UBXN8: variants seen among roughly 807,000 people sequenced by gnomAD.
UBXN8 encodes the protein UBX domain-containing protein 8.
In UBXN8, 27 loss-of-function variants were observed where a neutral mutation model predicts 32.1. The ratio of observed to expected loss-of-function variants is 0.84; its 90% CI spans 0.62 to 1.16. The LOEUF (loss-of-function observed/expected upper bound fraction) is 1.16. Ranked by LOEUF, UBXN8 falls within the 50% of genes most tolerant of loss-of-function variation. The probability of loss-of-function intolerance (pLI) is 0.00; values close to 1 mark genes in which losing one functional copy is unlikely to be tolerated. For missense variants in UBXN8, 306 were observed against 311.4 expected (o/e 0.98, Z 0.13); for synonymous variants, 109 against 111.8 (o/e 0.98, Z 0.16).
chr8:30,766,578 C>A lies in UBXN8; in HGVS notation c.*184C>A. 2.0e-6 allele frequency: 1 copy of A among 494,962 alleles called. No individual in the cohort carries two copies. Among genetic ancestry groups the A allele is most frequent in the Non-Finnish European group, 3.2e-6 (1 of 311,634 alleles). The allele number at this position is 494,962 out of a possible 1,614,324, so 30.7% of individuals were successfully genotyped here. A position where few individuals can be genotyped will look rare whatever the true frequency, so the allele number is the denominator to read the frequency against. ...CTTTCTATATATAATAATCTGTGGA[C>A]TGTGCCATTTTACAGTGTACCAAAT... On this transcript the variant is annotated 3_prime_UTR_variant, in exon 8 of 8. Coordinates refer to ENST00000265616, the MANE Select transcript of UBXN8 (RefSeq NM_005671.4).
chr8:30,766,350 G>T lies in UBXN8; in HGVS notation c.769G>T (p.Val257Leu). Residue 257 changes from valine (V) to leucine (L), a missense_variant, in exon 8 of 8, where the codon GTG becomes TTG. Transcript: ENST00000265616. ...GQSLEDIGITVDTVLILEEKE... is the reference protein window; with the variant it reads ...GQSLEDIGITLDTVLILEEKE... ...GTCGCTGGAGGACATAGGAATAACT[G>T]TGGACACTGTACTCATCCTGGAGGA... The T allele has an allele frequency of 6.2e-7, 1 of 1,613,282 alleles. No homozygotes were observed. The highest frequency in any genetic ancestry group is 8.5e-7 in the Non-Finnish European group (1 of 1,179,536).
chr8:30,758,365 G>A (rs374488897), intron 5 of UBXN8, among the ~76,000 whole-genome samples: 1 of 152,050 alleles, frequency 6.6e-6, no homozygotes, highest in East Asian at 1.9e-4. Flanking sequence ...GCCCTTCTAG[G>A]GAATAGATTA....
At chr8:30,756,737 T>G in intron 4 of UBXN8, 28 bp from the exon 5 acceptor site, 1 of 1,613,094 alleles carries the variant, frequency 6.2e-7, no homozygotes, top group Non-Finnish European at 8.5e-7. Flanking sequence ...AAACATCTCT[T>G]TAGAAATTGT....
At chr8:30,745,708 T>C (rs1805342917) in intron 1 of UBXN8, among the ~76,000 whole-genome samples, 1 of 152,244 alleles carries the variant, frequency 6.6e-6, no homozygotes. Context: ...ATTTCCGCAA[T>C]TCACCTGTTC....
intron 2 of UBXN8, 142 bp from the exon 3 acceptor site, chr8:30,752,893 C>T (rs1375755397): frequency 7.2e-6 from 7 of 972,076 alleles, no homozygotes; most frequent in Admixed American, 4.0e-5. Flanking sequence ...TCAACCCAAA[C>T]ATAAATGACA....
chr8:30,744,351 T>A, intron 1 of UBXN8, 74 bp downstream of exon 1: 1 of 1,451,596 alleles, frequency 6.9e-7, no homozygotes, highest in Admixed American at 1.9e-5. Flanking sequence ...AACGACCGCC[T>A]CTTCGGCTGC....
intron 3 of UBXN8, 134 bp downstream of exon 3, chr8:30,753,239 C>T (rs1805562108): frequency 8.1e-7 from 1 of 1,231,550 alleles, no homozygotes; most frequent in Non-Finnish European, 1.0e-6. Context: ...ATTCACGTGA[C>T]ATAAATTGAC....
rs1445299808 is a variant in UBXN8 at position 30,758,888 on chromosome 8, T to G, written c.529-2000T>G. Among the ~76,000 whole-genome samples the G allele has an allele frequency of 1.5e-4, 20 of 129,774 alleles. No homozygotes were observed. In the South Asian group the frequency reaches 2.6e-3, roughly 17 times the overall value. The allele number at this position is 129,774 out of a possible 152,430, so 85.1% of individuals were successfully genotyped here. ...GTAACAAATGTTTTTTTTGTTTGTTTTTTTTGTTTTTTTTTTTTTTTTTGA... is the reference window on the plus strand; with the variant it reads ...GTAACAAATGTTTTTTTTGTTTGTTGTTTTTGTTTTTTTTTTTTTTTTTGA... On this transcript the variant is annotated intron_variant, in intron 5 of 7. Coordinates refer to ENST00000265616, the MANE Select transcript of UBXN8 (RefSeq NM_005671.4).
chr8:30,763,620 T>C (rs1010697396), intron 7 of UBXN8, among the ~76,000 whole-genome samples: 10 of 152,260 alleles, frequency 6.6e-5, no homozygotes, highest in Non-Finnish European at 1.2e-4. Flanking sequence ...TACATTATCA[T>C]AATTTGATGG....
upstream of UBXN8, among the ~76,000 whole-genome samples, chr8:30,740,674 A>G (rs1454024526): frequency 6.6e-6 from 1 of 151,776 alleles, no homozygotes; most frequent in Non-Finnish European, 1.5e-5. Context: ...GCAGTGAGCT[A>G]TGCTTGTGCC....
At chr8:30,744,913 A>T (rs1805324669) in intron 1 of UBXN8, among the ~76,000 whole-genome samples, 1 of 152,182 alleles carries the variant, frequency 6.6e-6, no homozygotes, top group Non-Finnish European at 1.5e-5. Context: ...GCTCAGGATA[A>T]TGACGTTTAT....
intron 1 of UBXN8, 48 bp downstream of exon 1, chr8:30,744,325 C>T: frequency 6.4e-7 from 1 of 1,571,132 alleles, no homozygotes; most frequent in African/African-American, 1.3e-5. Flanking sequence ...GTAATTTTCA[C>T]AGGAATGTTG....
Position 30,764,060 on chromosome 8 carries a change from C to T in UBXN8, c.645+713C>T, listed in dbSNP as rs551951090. Among the ~76,000 whole-genome samples, 226 of 152,058 alleles carry T rather than the reference C, an allele frequency of 1.5e-3. 1 individual carries two copies. Among genetic ancestry groups the T allele is most frequent in the African/African-American group, 4.7e-3 (195 of 41,476 alleles). ...ATTTGGAAAACATGGAAAAGTAGAG[C>T]GAGAAAAAAATTTGATCTGTAGTCT... is the stretch of plus-strand genomic sequence containing the variant. On this transcript the variant is annotated intron_variant, in intron 7 of 7. Coordinates refer to ENST00000265616, the MANE Select transcript of UBXN8 (RefSeq NM_005671.4).
intron 3 of UBXN8, among the ~76,000 whole-genome samples, chr8:30,753,872 A>G (rs2128754659): frequency 6.9e-6 from 1 of 145,372 alleles, no homozygotes; most frequent in East Asian, 2.0e-4. Flanking sequence ...TCCTGGGTTC[A>G]TGGGATCTTC....
rs138600286 is a variant in UBXN8 at position 30,756,996 on chromosome 8, A to G, written c.528+109A>G. On this transcript the variant is annotated intron_variant, in intron 5 of 7. Coordinates refer to ENST00000265616, the MANE Select transcript of UBXN8 (RefSeq NM_005671.4). Reference sequence around the variant, plus strand: ...AGATCAGGACTGGCCTTTCATCCAGATGGTGTCTTCCCACTGCCTTACAAA... The same window carrying G: ...AGATCAGGACTGGCCTTTCATCCAGGTGGTGTCTTCCCACTGCCTTACAAA... 144 of 1,463,040 alleles carry G rather than the reference A, an allele frequency of 9.8e-5. No individual in the cohort carries two copies. In the East Asian group the frequency reaches 3.4e-3, roughly 34 times the overall value. The allele number at this position is 1,463,040 out of a possible 1,614,324, so 90.6% of individuals were successfully genotyped here. A position where few individuals can be genotyped will look rare whatever the true frequency, so the allele number is the denominator to read the frequency against.
At chr8:30,759,130 T>C (rs1168554700) in intron 5 of UBXN8, among the ~76,000 whole-genome samples, 1 of 151,660 alleles carries the variant, frequency 6.6e-6, no homozygotes, top group South Asian at 2.1e-4. Context: ...CCTGACCTCA[T>C]GATCTGCCCT....
At chr8:30,753,437 A>G (rs1411048232) in intron 3 of UBXN8, among the ~76,000 whole-genome samples, 1 of 152,010 alleles carries the variant, frequency 6.6e-6, no homozygotes, top group Non-Finnish European at 1.5e-5. Flanking sequence ...TTGTATTTTT[A>G]GTAGAGATGT....
chr8:30,740,070 T>TA (rs1805164199), upstream of UBXN8, among the ~76,000 whole-genome samples: 2 of 149,086 alleles, frequency 1.3e-5, no homozygotes, highest in Non-Finnish European at 3.0e-5. Context: ...CCCAGCTAAT[T>TA]AAAAAATGTG....
At chr8:30,747,894 C>CTTTTTTTTTTTTTTTTTTTTTTTTT (rs67334347) in intron 1 of UBXN8, among the ~76,000 whole-genome samples, 21 of 35,638 alleles carry the variant, frequency 5.9e-4, no homozygotes, top group East Asian at 1.6e-3. Flanking sequence ...TATATTTTTT[C>CTTTTTTTTTTTTTTTTTTTTTTTTT]TTTTTTTTTT....
Sources: allele counts gnomAD v4.1 joint callset (sites outside exome capture counted in the v4.1 genomes callset), GRCh38; gene constraint gnomAD v4.1.1; transcripts MANE v1.5; gene names NCBI Gene and HGNC (gene_info 2026-07-23, HGNC 2026-07-21).